SMYD3: variants seen among roughly 807,000 people sequenced by gnomAD.
The protein encoded by SMYD3 is SET and MYND domain containing 3.
Under a neutral mutation model 57.7 loss-of-function variants are expected in SMYD3, and 36 were observed. The observed-to-expected ratio is 0.62, with a 90% CI of 0.48 to 0.82. The LOEUF (loss-of-function observed/expected upper bound fraction) is 0.82. Among genes scored for constraint, SMYD3 ranks in the 40% least tolerant of loss-of-function variants. The pLI, the probability that SMYD3 is intolerant of heterozygous loss-of-function variation, is 0.00. For missense variants in SMYD3, 515 were observed against 538.8 expected, an observed-to-expected ratio of 0.96 and a Z score of 0.44; for synonymous variants, 211 against 195.0, an observed-to-expected ratio of 1.08 and a Z score of -0.68.
At chr1:246,268,792 G>A (rs1007913793) in intron 5 of SMYD3, among the ~76,000 whole-genome samples, 2 of 152,112 alleles carry the variant, frequency 1.3e-5, no homozygotes, top group Admixed American at 1.3e-4. Context: ...TGTCTATGGA[G>A]TAGCCGTTCT....
At chr1:246,043,311 T>C (rs929876384) in intron 5 of SMYD3, among the ~76,000 whole-genome samples, 6 of 152,268 alleles carry the variant, frequency 3.9e-5, no homozygotes, top group Non-Finnish European at 7.3e-5. Context: ...CACAGTACTA[T>C]GTAAAGCAGT....
chr1:245,791,952 T>TCG (rs2047289368), intron 10 of SMYD3, among the ~76,000 whole-genome samples: 1 of 146,138 alleles, frequency 6.8e-6, no homozygotes, highest in South Asian at 2.3e-4. Flanking sequence ...AATTTTAAAC[T>TCG]TGTGTGTGTG....
intron 8 of SMYD3, among the ~76,000 whole-genome samples, chr1:245,899,459 A>T (rs1220236559): frequency 6.6e-6 from 1 of 152,238 alleles, no homozygotes; most frequent in Non-Finnish European, 1.5e-5. Context: ...GAGGGGCCCT[A>T]TGGCTGTCTA....
At chr1:245,936,405 A>G (rs1216574537) in intron 5 of SMYD3, among the ~76,000 whole-genome samples, 3 of 151,358 alleles carry the variant, frequency 2.0e-5, no homozygotes, top group Non-Finnish European at 2.9e-5. Context: ...GAAAGTCCCC[A>G]GTGTGTGATT....
intron 4 of SMYD3, among the ~76,000 whole-genome samples, chr1:246,328,960 A>G (rs6660473): frequency 1 from 151,291 of 151,870 alleles, 75,358 homozygotes; most frequent in Non-Finnish European, 1. Context: ...TTGTCCTTGC[A>G]ATAGTTTACT....
At chr1:245,860,274 C>T (rs747806948) in intron 9 of SMYD3, among the ~76,000 whole-genome samples, 4 of 152,168 alleles carry the variant, frequency 2.6e-5, no homozygotes, top group African/African-American at 7.2e-5. Context: ...TAACAGAGCA[C>T]GCCCAGCCCT....
chr1:245,826,172 CTG>C (rs1247386420), intron 10 of SMYD3, among the ~76,000 whole-genome samples: 1 of 151,646 alleles, frequency 6.6e-6, no homozygotes, highest in Non-Finnish European at 1.5e-5. Flanking sequence ...TCTTGCAAAA[CTG>C]AAACTCTATA....
At chr1:245,958,618 T>G (rs2057916594) in intron 5 of SMYD3, among the ~76,000 whole-genome samples, 1 of 152,136 alleles carries the variant, frequency 6.6e-6, no homozygotes, top group Non-Finnish European at 1.5e-5. Flanking sequence ...CCCCTAACAA[T>G]ACCACTTACC....
intron 1 of SMYD3, among the ~76,000 whole-genome samples, chr1:246,479,333 C>T (rs1273595766): frequency 6.6e-6 from 1 of 152,162 alleles, no homozygotes. Flanking sequence ...CCTCTTTAAG[C>T]CTCAGTCACT....
At chr1:245,796,285 C>T (rs1418394360) in intron 10 of SMYD3, among the ~76,000 whole-genome samples, 1 of 151,714 alleles carries the variant, frequency 6.6e-6, no homozygotes, top group African/African-American at 2.4e-5. Context: ...TATAATAAAA[C>T]CTTATTGGGA....
intron 8 of SMYD3, among the ~76,000 whole-genome samples, chr1:245,898,154 G>A (rs1028780075): frequency 6.6e-6 from 1 of 152,130 alleles, no homozygotes; most frequent in Non-Finnish European, 1.5e-5. Flanking sequence ...AGGCCTTTTG[G>A]TTAAGCTCAA....
At chr1:246,427,057 A>T (rs1321147701) in intron 1 of SMYD3, among the ~76,000 whole-genome samples, 8 of 152,202 alleles carry the variant, frequency 5.3e-5, no homozygotes, top group Non-Finnish European at 1.2e-4. Context: ...AGAAGTTAGT[A>T]GACAAGAAGC....
At chr1:246,135,595 C>T (rs538012720) in intron 5 of SMYD3, among the ~76,000 whole-genome samples, 5 of 152,122 alleles carry the variant, frequency 3.3e-5, no homozygotes, top group African/African-American at 1.2e-4. Context: ...ATATCAATCA[C>T]CTTAAAGCTT....
chr1:246,362,364 T>C (rs2066001384), intron 1 of SMYD3, among the ~76,000 whole-genome samples: 1 of 148,446 alleles, frequency 6.7e-6, no homozygotes, highest in Non-Finnish European at 1.5e-5. Flanking sequence ...CCAAATCACC[T>C]GGGTGACAAA....
At chr1:245,769,750 T>G (rs148752963) in intron 10 of SMYD3, among the ~76,000 whole-genome samples, 72 of 152,328 alleles carry the variant, frequency 4.7e-4, no homozygotes, top group African/African-American at 1.7e-3. Context: ...TTAAATGACC[T>G]AATATCTGAG....
chr1:246,408,454 C>G (rs779997653), intron 1 of SMYD3, among the ~76,000 whole-genome samples: 21 of 152,110 alleles, frequency 1.4e-4, no homozygotes, highest in Admixed American at 1.0e-3. Context: ...TGGGAAAGAA[C>G]TGGTCTACAG....
At chr1:246,383,260 G>A (rs528491106) in intron 1 of SMYD3, among the ~76,000 whole-genome samples, 1 of 152,334 alleles carries the variant, frequency 6.6e-6, no homozygotes, top group South Asian at 2.1e-4. Context: ...TACCAGCTGG[G>A]AATGCATTTG....
chr1:245,852,845 G>T (rs954762653), intron 10 of SMYD3, among the ~76,000 whole-genome samples: 1 of 152,162 alleles, frequency 6.6e-6, no homozygotes, highest in Non-Finnish European at 1.5e-5. Context: ...CGGCCCCAGT[G>T]TCCCAGTAAG....
At chr1:246,457,540 AAAAAAAAAG>A (rs1363765898) in intron 1 of SMYD3, among the ~76,000 whole-genome samples, 3 of 146,456 alleles carry the variant, frequency 2.0e-5, no homozygotes, top group South Asian at 2.2e-4. Context: ...CTCAAAAAAA[AAAAAAAAAG>A]AAAAGAAAAG....
Sources: gnomAD v4.1 joint callset for allele counts (sites outside exome capture counted in the v4.1 genomes callset) on GRCh38, gnomAD v4.1.1 for gene constraint, MANE v1.5 for transcripts, NCBI Gene and HGNC (gene_info 2026-07-23, HGNC 2026-07-21) for gene names.